The following CCDC68 variants were observed in gnomAD, a reference collection of about 807,000 sequenced individuals.
CCDC68 encodes coiled-coil domain containing 68, also known as coiled-coil domain-containing protein 68.
Under a neutral mutation model 47.1 loss-of-function variants are expected in CCDC68, and 45 were observed. The observed-to-expected ratio is 0.96, with a 90% CI of 0.75 to 1.23. The LOEUF (loss-of-function observed/expected upper bound fraction) is 1.23. CCDC68 is among the 50% of genes most tolerant of loss of function. CCDC68 has a pLI of 0.00. For synonymous variants in CCDC68, 131 were observed against 129.5 expected (o/e 1.01, Z -0.08); for missense variants, 353 against 373.6 (o/e 0.94, Z 0.45).
In CCDC68 at chr18:54,934,982, T is replaced by A. The variant is rs775599827; in HGVS notation, c.472-34A>T. ...AGAGAATCAGTTGTGTTGTGAAAAC[T>A]CTGTTTTTCTTAAACCTATACACAT... On this transcript the variant is annotated intron_variant, in intron 6 of 11. Coordinates refer to ENST00000591504, the MANE Select transcript of CCDC68 (RefSeq NM_025214.3). The A allele has an allele frequency of 4.7e-6, 7 of 1,501,702 alleles. No individual in the cohort carries two copies. The South Asian group carries it at 9.7e-5, about 21-fold the overall frequency. 93.0% of individuals were successfully genotyped at this position (1,501,702 alleles called of 1,614,324 possible).
At chr18:54,922,419 G>T (rs533126713) in intron 8 of CCDC68, among the ~76,000 whole-genome samples, 2 of 152,162 alleles carry the variant, frequency 1.3e-5, no homozygotes, top group Admixed American at 1.3e-4. Context: ...GGGAGTGTGC[G>T]AGAGGCAGGA....
chr18:54,948,699 A>G (rs1038701688), intron 1 of CCDC68, among the ~76,000 whole-genome samples: 9 of 152,188 alleles, frequency 5.9e-5, no homozygotes, highest in Non-Finnish European at 7.3e-5. Context: ...GTTTCGTAGG[A>G]TTTTCAGTAC....
At chr18:54,941,113 C>G (rs1400426405) in intron 3 of CCDC68, 30 bp from the exon 4 acceptor site, 1 of 1,546,892 alleles carries the variant, frequency 6.5e-7, no homozygotes. Flanking sequence ...CCATTTGTTT[C>G]AAAGGCATTT....
At chr18:54,953,751 A>T (rs554757829) in intron 1 of CCDC68, among the ~76,000 whole-genome samples, 1 of 152,228 alleles carries the variant, frequency 6.6e-6, no homozygotes, top group Non-Finnish European at 1.5e-5. Flanking sequence ...GATAAAGTAG[A>T]AGGAAATATA....
chr18:54,959,336 C>G lies in CCDC68; in HGVS notation c.-103G>C, dbSNP rs2044763612. ...CCCGAAGGTGGCCAGACTCGCCTAC[C>G]TTGTGGGGCGCCCAGCCGACGCGGG... On this transcript the variant is annotated splice_region_variant and 5_prime_UTR_variant, in exon 1 of 12. Transcript: ENST00000591504. The G allele has an allele frequency of 6.6e-6, 1 of 152,402 alleles. No individual in the cohort carries two copies. Among genetic ancestry groups the G allele is most frequent in the Admixed American group, 6.5e-5 (1 of 15,294 alleles). The allele number at this position is 152,402 out of a possible 1,614,324, so 9.4% of individuals were successfully genotyped here. A position where few individuals can be genotyped will look rare whatever the true frequency, so the allele number is the denominator to read the frequency against.
chr18:54,940,927 A>G (rs2044425895), intron 4 of CCDC68, 70 bp downstream of exon 4: 1 of 1,053,950 alleles, frequency 9.5e-7, no homozygotes, highest in African/African-American at 1.6e-5. Flanking sequence ...CAAAGAAGTT[A>G]GTAATTGCCC....
rs1568145890 is a variant in CCDC68, at chr18:54,928,811, T to G, written c.672A>C (p.Thr224=). ...NKLLQLKSSA[T]YGKSCQDLQR... is the part of the protein sequence containing the mutation. ...GTAGCTTCACAAACCTTTTTCCATA[T>G]GTAGCACTGGATTTGAGTTGCAGTA... Residue 224 remains threonine, a synonymous_variant, in exon 8 of 12, where the codon ACA becomes ACC. Transcript: ENST00000591504. 1.2e-6 allele frequency: 2 copies of G among 1,610,064 alleles called. No homozygotes were observed. Among genetic ancestry groups the G allele is most frequent in the African/African-American group, 1.3e-5 (1 of 74,852 alleles).
At chr18:54,956,928 A>T (rs11877532) in intron 1 of CCDC68, among the ~76,000 whole-genome samples, 3,867 of 151,406 alleles carry the variant, frequency 0.026, 136 homozygotes, top group African/African-American at 0.087. Context: ...AAGCTTTTTT[A>T]AAAAAAAATA....
At chr18:54,933,921 G>A (rs1459613552) in intron 7 of CCDC68, among the ~76,000 whole-genome samples, 2 of 152,056 alleles carry the variant, frequency 1.3e-5, no homozygotes, top group Admixed American at 6.5e-5. Flanking sequence ...GTTTCCTTTG[G>A]TAAGAAACCT....
chr18:54,942,158 T>C (rs2044449184), intron 3 of CCDC68, among the ~76,000 whole-genome samples: 1 of 152,188 alleles, frequency 6.6e-6, no homozygotes, highest in Admixed American at 6.5e-5. Context: ...TAAGAATATA[T>C]ATTTCTGCCA....
intron 6 of CCDC68, 116 bp downstream of exon 6, chr18:54,936,717 C>A: frequency 7.7e-7 from 1 of 1,306,224 alleles, no homozygotes; most frequent in South Asian, 1.4e-5. Context: ...TTTCCCAAGT[C>A]TTTTGCCAAG....
intron 2 of CCDC68, chr18:54,943,030 A>T (rs2044464504): frequency 3.0e-6 from 1 of 329,626 alleles, no homozygotes; most frequent in Admixed American, 5.0e-5. Context: ...TAATCTAAAA[A>T]GGTAAAATCT....
chr18:54,946,292 C>G (rs1317768745), intron 1 of CCDC68, among the ~76,000 whole-genome samples: 1 of 152,186 alleles, frequency 6.6e-6, no homozygotes, highest in African/African-American at 2.4e-5. Flanking sequence ...ACGTGGCAGG[C>G]AACGCCTAAA....
intron 8 of CCDC68, among the ~76,000 whole-genome samples, chr18:54,925,017 T>A (rs1250065814): frequency 6.6e-6 from 1 of 152,244 alleles, no homozygotes; most frequent in Non-Finnish European, 1.5e-5. Flanking sequence ...GTTCTTTTTA[T>A]GACCATACCC....
At chr18:54,950,724 A>G in intron 1 of CCDC68, among the ~76,000 whole-genome samples, 1 of 149,636 alleles carries the variant, frequency 6.7e-6, no homozygotes, top group East Asian at 2.0e-4. Flanking sequence ...CATTTACCAA[A>G]TAATTTTTCA....
intron 10 of CCDC68, among the ~76,000 whole-genome samples, chr18:54,914,235 T>C (rs1453074578): frequency 6.6e-6 from 1 of 152,204 alleles, no homozygotes; most frequent in Non-Finnish European, 1.5e-5. Context: ...GAAAGATTTA[T>C]CTGTTGAAGA....
chr18:54,946,442 G>C (rs760976431), intron 1 of CCDC68, among the ~76,000 whole-genome samples: 2 of 152,174 alleles, frequency 1.3e-5, no homozygotes, highest in African/African-American at 2.4e-5. Flanking sequence ...TTTTCCTCCA[G>C]TACAGTACCC....
intron 1 of CCDC68, among the ~76,000 whole-genome samples, chr18:54,947,713 T>A (rs1390206860): frequency 6.6e-6 from 1 of 152,236 alleles, no homozygotes; most frequent in Non-Finnish European, 1.5e-5. Flanking sequence ...ATGAAACCAC[T>A]ATCCACAATT....
At chr18:54,907,063 G>A (rs969635848) in intron 11 of CCDC68, among the ~76,000 whole-genome samples, 2 of 152,138 alleles carry the variant, frequency 1.3e-5, no homozygotes, top group Non-Finnish European at 2.9e-5. Context: ...AAATTCAAAA[G>A]CTGCTAGAAG....
Sources: allele counts gnomAD v4.1 joint callset (sites outside exome capture counted in the v4.1 genomes callset), GRCh38; gene constraint gnomAD v4.1.1; transcripts MANE v1.5; gene names NCBI Gene and HGNC (gene_info 2026-07-23, HGNC 2026-07-21).